SIPA1L3: variants seen among roughly 807,000 people sequenced by gnomAD.
SIPA1L3 encodes the protein signal-induced proliferation-associated 1-like protein 3.
SIPA1L3 carries 59 observed loss-of-function variants against 150.1 expected under a neutral mutation model. The observed-to-expected ratio is 0.39, with a 90% CI of 0.32 to 0.49. The LOEUF (loss-of-function observed/expected upper bound fraction) is 0.49, where lower values mean the gene tolerates loss of function less well. Ranked by LOEUF, SIPA1L3 falls within the 20% of genes least tolerant of loss-of-function variation. The pLI is 0.86. For synonymous variants in SIPA1L3, 1,070 were observed against 1,077.6 expected (o/e 0.99, Z 0.14); for missense variants, 2,211 against 2,489.5 (o/e 0.89, Z 2.38).
intron 1 of SIPA1L3, among the ~76,000 whole-genome samples, chr19:38,003,846 C>T (rs903518540): frequency 1.3e-5 from 2 of 152,206 alleles, no homozygotes. Flanking sequence ...GCTTCCTCCG[C>T]CACCCAGCAA....
At chr19:38,204,433 T>A (rs140656076) in intron 21 of SIPA1L3, among the ~76,000 whole-genome samples, 11 of 152,228 alleles carry the variant, frequency 7.2e-5, no homozygotes, top group African/African-American at 2.6e-4. Context: ...AGCCCAGGCT[T>A]TTCGGAAGGC....
chr19:38,114,685 T>C (rs1025530564), intron 8 of SIPA1L3, among the ~76,000 whole-genome samples: 3 of 152,240 alleles, frequency 2.0e-5, no homozygotes, highest in African/African-American at 7.2e-5. Context: ...GAAACCTGTT[T>C]CGTCTGTCCA....
chr19:38,084,722 C>T (rs1276004598), intron 3 of SIPA1L3, among the ~76,000 whole-genome samples: 5 of 150,344 alleles, frequency 3.3e-5, no homozygotes, highest in Admixed American at 2.7e-4. Context: ...TCACTGCAGC[C>T]TCTGCCTCCT....
At chr19:37,960,660 G>A (rs971195144) in intron 1 of SIPA1L3, among the ~76,000 whole-genome samples, 1 of 151,566 alleles carries the variant, frequency 6.6e-6, no homozygotes, top group African/African-American at 2.4e-5. Flanking sequence ...GCCTGCCTTG[G>A]CCTCCCAAAG....
chr19:37,937,872 C>A (rs1331851166), intron 1 of SIPA1L3, among the ~76,000 whole-genome samples: 1 of 151,016 alleles, frequency 6.6e-6, no homozygotes, highest in African/African-American at 2.4e-5. Context: ...TGGTGAAACC[C>A]CATCTCTACT....
At chr19:37,920,740 CA>C (rs1185137403) in intron 1 of SIPA1L3, among the ~76,000 whole-genome samples, 1 of 152,136 alleles carries the variant, frequency 6.6e-6, no homozygotes, top group Non-Finnish European at 1.5e-5. Context: ...TTATATGAGC[CA>C]ATACTTGGCC....
At chr19:38,026,258 A>T (rs769031626) in intron 1 of SIPA1L3, among the ~76,000 whole-genome samples, 1 of 152,128 alleles carries the variant, frequency 6.6e-6, no homozygotes, top group Non-Finnish European at 1.5e-5. Flanking sequence ...TAGCAGCTCC[A>T]CTAGTAGATT....
At chr19:38,057,207 G>A (rs1049568203) in intron 2 of SIPA1L3, among the ~76,000 whole-genome samples, 17 of 151,916 alleles carry the variant, frequency 1.1e-4, no homozygotes, top group South Asian at 6.2e-4. Flanking sequence ...GGAAGCGGAC[G>A]TTGCAGTGAG....
intron 1 of SIPA1L3, among the ~76,000 whole-genome samples, chr19:37,946,081 G>A (rs2046708488): frequency 6.6e-6 from 1 of 151,974 alleles, no homozygotes; most frequent in Non-Finnish European, 1.5e-5. Flanking sequence ...CTTGAACGCG[G>A]GAGGCAGAGG....
intron 1 of SIPA1L3, among the ~76,000 whole-genome samples, chr19:37,913,887 C>T (rs1347985840): frequency 3.3e-5 from 5 of 151,432 alleles, no homozygotes; most frequent in Admixed American, 1.3e-4. Context: ...TGGTGACAGG[C>T]GCCTGTAGTC....
At chr19:38,089,690 T>A (rs1970219374) in intron 4 of SIPA1L3, among the ~76,000 whole-genome samples, 1 of 152,258 alleles carries the variant, frequency 6.6e-6, no homozygotes. Flanking sequence ...AGCCTTCCCC[T>A]GGATTAAATG....
chr19:37,983,932 C>G (rs1967269954), intron 1 of SIPA1L3, among the ~76,000 whole-genome samples: 2 of 150,266 alleles, frequency 1.3e-5, no homozygotes, highest in Non-Finnish European at 3.0e-5. Flanking sequence ...AAAAAGATTG[C>G]TCAGCACTGA....
chr19:37,941,071 T>TACGTACAC (rs1555767524), intron 1 of SIPA1L3, among the ~76,000 whole-genome samples: 1 of 133,086 alleles, frequency 7.5e-6, no homozygotes, highest in African/African-American at 2.7e-5. Context: ...GTTTGAGATG[T>TACGTACAC]ACACACACAC....
chr19:37,913,234 T>C (rs1402785796), intron 1 of SIPA1L3, among the ~76,000 whole-genome samples: 1 of 152,138 alleles, frequency 6.6e-6, no homozygotes, highest in Non-Finnish European at 1.5e-5. Flanking sequence ...CCTGTGCAGT[T>C]AGCTACTATT....
chr19:38,122,156 G>A (rs1309304647), intron 9 of SIPA1L3, among the ~76,000 whole-genome samples: 1 of 152,108 alleles, frequency 6.6e-6, no homozygotes, highest in Admixed American at 6.6e-5. Flanking sequence ...GAGAGGCAGA[G>A]GTTGCAGTGA....
Position 38,147,397 on chromosome 19 carries a change from CT to C in SIPA1L3, c.3533+4695del, listed in dbSNP as rs1277045051. ...TTTATTCTGATAAAGCCCAAATTAT[CT>C]TTTTTTTATTATTATTTTATGGATC... On this transcript the variant is annotated intron_variant, in intron 12 of 21. Transcript: ENST00000222345. Among the ~76,000 whole-genome samples, 5 of 151,936 alleles carry C rather than the reference CT, an allele frequency of 3.3e-5. No individual in the cohort carries two copies. In the East Asian group the frequency reaches 7.7e-4, roughly 23 times the overall value.
chr19:38,194,879 C>T (rs981522036), intron 18 of SIPA1L3, among the ~76,000 whole-genome samples: 4 of 152,234 alleles, frequency 2.6e-5, no homozygotes, highest in South Asian at 2.1e-4. Context: ...GGTGAAACCC[C>T]GTCTCTACTA....
chr19:37,931,590 T>TAA (rs141487119), intron 1 of SIPA1L3, among the ~76,000 whole-genome samples: 37 of 146,526 alleles, frequency 2.5e-4, no homozygotes, highest in African/African-American at 7.8e-4. Context: ...TTAATAAAAA[T>TAA]AAAAAAAAAA....
chr19:38,206,029 G>C, intron 21 of SIPA1L3, 68 bp from the exon 22 acceptor site: 3 of 1,465,292 alleles, frequency 2.0e-6, no homozygotes, highest in Non-Finnish European at 1.8e-6. Flanking sequence ...ACAGGCCTCA[G>C]GGAGCCATCG....
Sources: allele counts gnomAD v4.1 joint callset (sites outside exome capture counted in the v4.1 genomes callset), GRCh38; gene constraint gnomAD v4.1.1; transcripts MANE v1.5; gene names NCBI Gene and HGNC (gene_info 2026-07-23, HGNC 2026-07-21).